RGSL1: variants seen among roughly 807,000 people sequenced by gnomAD.
RGSL1 encodes regulator of G protein signaling protein-like.
A neutral mutation model predicts 124.7 loss-of-function variants in RGSL1; 97 were observed. The ratio of observed to expected loss-of-function variants is 0.78; its 90% CI spans 0.66 to 0.92. RGSL1 has a LOEUF of 0.92. Ranked by LOEUF, RGSL1 falls within the 40% of genes least tolerant of loss-of-function variation. RGSL1 has a pLI of 0.00. For missense variants in RGSL1, 1,233 were observed against 1,288.4 expected (o/e 0.96, Z 0.66); for synonymous variants, 424 against 438.1 (o/e 0.97, Z 0.40).
At chr1:182,453,499 G>C (rs1160716268) in intron 1 of RGSL1, 1 of 155,140 alleles carries the variant, frequency 6.4e-6, no homozygotes, top group Non-Finnish European at 1.4e-5. Context: ...ATGGAGAGAA[G>C]GCCATGTGAG....
Position 182,488,328 on chromosome 1 carries a change from A to C in RGSL1, c.1475A>C (p.Tyr492Ser). 1 of 1,552,378 alleles carries C rather than the reference A, an allele frequency of 6.4e-7. No individual in the cohort carries two copies. The highest frequency in any genetic ancestry group is 1.2e-5 in the South Asian group (1 of 84,068). Residue 492 changes from tyrosine to serine, a missense_variant, in exon 7 of 22, where the codon TAC becomes TCC. Coordinates refer to ENST00000294854, the MANE Select transcript of RGSL1 (RefSeq NM_001137669.2). ...GATGAGTTTCTAGATGAAGAGGACTACTGGTTTCTCCTTTTTACGGTAGGA... is the reference window on the plus strand; with the variant it reads ...GATGAGTTTCTAGATGAAGAGGACTCCTGGTTTCTCCTTTTTACGGTAGGA... ...WYDEFLDEEDYWFLLFTTQNR... is the reference protein window; with the variant it reads ...WYDEFLDEEDSWFLLFTTQNR...
chr1:182,487,951 C>A (rs1160865207), intron 6 of RGSL1, among the ~76,000 whole-genome samples: 1 of 151,940 alleles, frequency 6.6e-6, no homozygotes, highest in Non-Finnish European at 1.5e-5. Context: ...GTTTTCAGGG[C>A]CATTTTGAGA....
chr1:182,500,242 G>T (rs887516627), intron 9 of RGSL1, among the ~76,000 whole-genome samples: 1 of 152,156 alleles, frequency 6.6e-6, no homozygotes, highest in African/African-American at 2.4e-5. Context: ...ATAGCCAACT[G>T]ATCCAGCACC....
chr1:182,453,161 A>C (rs1651987873), intron 1 of RGSL1, among the ~76,000 whole-genome samples: 1 of 152,226 alleles, frequency 6.6e-6, no homozygotes, highest in African/African-American at 2.4e-5. Flanking sequence ...CGATGATCAC[A>C]CCTGAGAGAA....
intron 10 of RGSL1, among the ~76,000 whole-genome samples, chr1:182,525,574 C>T (rs1658682846): frequency 6.6e-6 from 1 of 152,048 alleles, no homozygotes; most frequent in African/African-American, 2.4e-5. Flanking sequence ...ATAGACACAT[C>T]ACAATCAAAC....
At chr1:182,477,053 G>T (rs4271175) in intron 6 of RGSL1, among the ~76,000 whole-genome samples, 23,552 of 152,196 alleles carry the variant, frequency 0.15, 2,365 homozygotes, top group Admixed American at 0.26. Flanking sequence ...GAGGTCCCCA[G>T]CTTTTGTTCA....
upstream of RGSL1, among the ~76,000 whole-genome samples, chr1:182,448,625 G>A (rs545783940): frequency 1.3e-5 from 2 of 152,178 alleles, no homozygotes; most frequent in African/African-American, 4.8e-5. Context: ...AATTGCCAGG[G>A]GACGGTCCCG....
Position 182,540,334 on chromosome 1 carries a change from C to A in RGSL1, c.2582C>A (p.Thr861Asn), listed in dbSNP as rs905195551. 1.5e-5 allele frequency: 24 copies of A among 1,551,302 alleles called. No homozygotes were observed. The Middle Eastern group carries it at 8.3e-4, about 54-fold the overall frequency. Residue 861 changes from threonine (T) to asparagine (N), a missense_variant, in exon 15 of 22, where the codon ACC becomes AAC. Physicochemically the swap from Thr to Asn is moderately conservative, Grantham distance 65 (BLOSUM62 0). Transcript: ENST00000294854. ...GCAGACCAAGAGAATGGAGAAATAA[C>A]CCTTGTAAAGCGTCGTATATTTGGC... Reference protein sequence around the residue: ...RSADQENGEITLVKRRIFGHR... With the variant: ...RSADQENGEINLVKRRIFGHR...
intron 9 of RGSL1, among the ~76,000 whole-genome samples, chr1:182,515,415 G>A (rs1286380605): frequency 2.6e-5 from 4 of 151,968 alleles, no homozygotes; most frequent in Non-Finnish European, 5.9e-5. Context: ...GAGGCTGCAC[G>A]GATCTGTTTA....
At chr1:182,468,692 G>C (rs1405674388) in intron 4 of RGSL1, among the ~76,000 whole-genome samples, 4 of 152,004 alleles carry the variant, frequency 2.6e-5, no homozygotes, top group Admixed American at 6.6e-5. Flanking sequence ...CAGCACACCA[G>C]TATGGCACAT....
At chr1:182,499,221 G>A (rs890724628) in intron 9 of RGSL1, among the ~76,000 whole-genome samples, 52 of 152,196 alleles carry the variant, frequency 3.4e-4, no homozygotes, top group African/African-American at 1.3e-3. Context: ...TTCAGGTCTG[G>A]AATACCTTTG....
intron 14 of RGSL1, among the ~76,000 whole-genome samples, chr1:182,538,997 G>A (rs1659722355): frequency 6.6e-6 from 1 of 152,192 alleles, no homozygotes; most frequent in African/African-American, 2.4e-5. Context: ...ATGATTCCCA[G>A]GTAATAGTGA....
At position 182,472,464 on chromosome 1, in the gene RGSL1, G is replaced by A. The variant is rs990874029; in HGVS notation, c.370G>A (p.Val124Met). Residue 124 changes from valine to methionine, a missense_variant, in exon 5 of 22, where the codon GTG becomes ATG. Val to Met is a conservative substitution (Grantham distance 21). Coordinates refer to ENST00000294854, the MANE Select transcript of RGSL1 (RefSeq NM_001137669.2). ...GAGCATAGATGAGATGGACCTGGAA[G>A]TGAGAGACTACTACCTGTCCCTCCT... Reference protein sequence around the residue: ...ILSIDEMDLEVRDYYLSLLLM... With the variant: ...ILSIDEMDLEMRDYYLSLLLM... 11 of 1,551,230 alleles carry A rather than the reference G, an allele frequency of 7.1e-6. No individual in the cohort carries two copies. The highest frequency in any genetic ancestry group is 1.7e-4 in the Middle Eastern group (1 of 5,990).
chr1:182,504,957 G>A (rs1017648150), intron 9 of RGSL1, among the ~76,000 whole-genome samples: 2 of 152,054 alleles, frequency 1.3e-5, no homozygotes, highest in African/African-American at 4.8e-5. Flanking sequence ...CCTTTTCTGA[G>A]CATACATCCA....
intron 2 of RGSL1, 92 bp from the exon 3 acceptor site, chr1:182,458,227 A>G (rs1652509432): frequency 1.1e-6 from 1 of 873,954 alleles, no homozygotes; most frequent in South Asian, 1.7e-5. Flanking sequence ...AGAGCCATGG[A>G]ACCTCCCTTC....
intron 8 of RGSL1, among the ~76,000 whole-genome samples, chr1:182,492,469 G>A (rs1655599610): frequency 6.6e-6 from 1 of 152,062 alleles, no homozygotes; most frequent in Non-Finnish European, 1.5e-5. Context: ...GCAACCCTCA[G>A]GCAAATAATC....
intron 4 of RGSL1, among the ~76,000 whole-genome samples, chr1:182,467,228 G>A (rs1021277258): frequency 6.6e-6 from 1 of 152,106 alleles, no homozygotes; most frequent in East Asian, 1.9e-4. Context: ...TCCCCATCAA[G>A]CTACCAATGA....
At chr1:182,471,831 C>T (rs1653868638) in intron 4 of RGSL1, among the ~76,000 whole-genome samples, 1 of 152,192 alleles carries the variant, frequency 6.6e-6, no homozygotes, top group Admixed American at 6.5e-5. Context: ...CCCTGGCTGA[C>T]ACTCCAGCTC....
At chr1:182,542,844 C>A (rs1358917996) in intron 15 of RGSL1, among the ~76,000 whole-genome samples, 1 of 151,788 alleles carries the variant, frequency 6.6e-6, no homozygotes, top group Non-Finnish European at 1.5e-5. Flanking sequence ...TTCTTGATTT[C>A]TTTTTCAGAT....
Sources: allele counts gnomAD v4.1 joint callset (sites outside exome capture counted in the v4.1 genomes callset), GRCh38; gene constraint gnomAD v4.1.1; transcripts MANE v1.5; gene names NCBI Gene and HGNC (gene_info 2026-07-23, HGNC 2026-07-21).